The following FCSK variants were observed in gnomAD, a reference collection of about 807,000 sequenced individuals.
The protein encoded by FCSK is L-fucose kinase.
In FCSK, 123 loss-of-function variants were observed where a neutral mutation model predicts 122.5. That is an observed-to-expected ratio of 1.00 (90% CI 0.87 to 1.17). The LOEUF is 1.17. Among genes scored for constraint, FCSK ranks in the 50% most tolerant of loss-of-function variants. The pLI, the probability that FCSK is intolerant of heterozygous loss-of-function variation, is 0.00. For synonymous variants in FCSK, 620 were observed against 625.5 expected (o/e 0.99, Z 0.13); for missense variants, 1,366 against 1,450.4 (o/e 0.94, Z 0.95).
Position 70,463,753 on chromosome 16 carries a change from G to A in FCSK, c.213G>A (p.Leu71=). The change falls in exon 3 of 24, where the codon CTG becomes CTA. Residue 71 remains leucine (L), a synonymous_variant. Coordinates refer to ENST00000288078, the MANE Select transcript of FCSK (RefSeq NM_145059.3). ...LNALLVAAEH[L]SARAGFTVVT... is the part of the protein sequence containing the mutation. ...CCCTGCTGGTGGCTGCTGAACACCT[G>A]AGTGCCCGGGCAGGCTTCACTGTGA... 6.2e-7 allele frequency: 1 copy of A among 1,611,450 alleles called. No individual in the cohort carries two copies. Among genetic ancestry groups the A allele is most frequent in the Non-Finnish European group, 8.5e-7 (1 of 1,179,592 alleles).
intron 18 of FCSK, 150 bp from the exon 19 acceptor site, chr16:70,475,198 GCC>G: frequency 1.0e-6 from 1 of 1,001,760 alleles, no homozygotes; most frequent in South Asian, 1.6e-5. Flanking sequence ...GAGCCCAGAG[GCC>G]CTTTTGTGGC....
chr16:70,462,506 A>G lies in FCSK; in HGVS notation c.-22-663A>G, dbSNP rs1201664968. 2.0e-5 allele frequency among the ~76,000 whole-genome samples: 3 copies of G among 152,154 alleles called. No individual in the cohort carries two copies. The South Asian group carries it at 6.2e-4, about 31-fold the overall frequency. On this transcript the variant is annotated intron_variant, in intron 1 of 23. Transcript: ENST00000288078. ...ACGCCTGCCTAATTTTTGTATTTTT[A>G]GTAGTGAAGAGGTTTTGCCATGTTG... is the stretch of plus-strand genomic sequence containing the variant.
chr16:70,467,237 C>T (rs1173270450), intron 6 of FCSK, 137 bp from the exon 7 acceptor site: 4 of 647,930 alleles, frequency 6.2e-6, no homozygotes, highest in East Asian at 2.7e-5. Flanking sequence ...AGGCGAATGT[C>T]CATTTGGCTT....
At position 70,472,551 on chromosome 16, in the gene FCSK, C is replaced by T. The variant is rs544216689; in HGVS notation, c.1352C>T (p.Ala451Val). The change falls in exon 14 of 24, where the codon GCA becomes GTA. Residue 451 changes from alanine (A) to valine (V), a missense_variant. Coordinates refer to ENST00000288078, the MANE Select transcript of FCSK (RefSeq NM_145059.3). Reference sequence around the variant, plus strand: ...CTTCCTCTCCCCCAGAGACAGGGGGCAGGCACATATCTCAACGTGCCCTGG... The same window carrying T: ...CTTCCTCTCCCCCAGAGACAGGGGGTAGGCACATATCTCAACGTGCCCTGG... ...GRLDSWERQG[A>V]GTYLNVPWSE... is the part of the protein sequence containing the mutation. 6.2e-7 allele frequency: 1 copy of T among 1,612,672 alleles called. No individual in the cohort carries two copies. The highest frequency in any genetic ancestry group is 1.7e-5 in the Admixed American group (1 of 59,854).
intron 9 of FCSK, 40 bp from the exon 10 acceptor site, chr16:70,469,096 ACTTGGGGGCTGAACCC>A (rs2048524906): frequency 6.2e-7 from 1 of 1,608,742 alleles, no homozygotes. Context: ...CAGCCTCAGA[ACTTGGGGGCTGAACCC>A]CTGCCATGCC....
At position 70,467,985 on chromosome 16, in the gene FCSK, G is replaced by C. The variant is rs1455246336; in HGVS notation, c.663+19G>C. On this transcript the variant is annotated intron_variant, in intron 8 of 23. Transcript: ENST00000288078. The stretch of plus-strand genomic sequence containing the variant: ...GCCACTGGTATGGCTGCTGGGCCCA[G>C]GTTGCGGGGCTTTGGGGACCTTATG... 1.2e-6 allele frequency: 2 copies of C among 1,605,430 alleles called. No individual in the cohort carries two copies. Among genetic ancestry groups the C allele is most frequent in the Admixed American group, 3.3e-5 (2 of 60,004 alleles).
Position 70,479,457 on chromosome 16 carries a change from T to C in FCSK, c.3153+54T>C, listed in dbSNP as rs1477410300. ...GACCTCTGGGGGCAAGAGACCTCAC[T>C]GTGGCCCACCAGTTAACCAGGGGCT... On this transcript the variant is annotated intron_variant, in intron 23 of 23. Transcript: ENST00000288078. The C allele has an allele frequency of 8.5e-6, 13 of 1,534,322 alleles. No individual in the cohort carries two copies. The East Asian group carries it at 3.0e-4, about 35-fold the overall frequency.
chr16:70,470,391 G>C lies in FCSK; in HGVS notation c.1033G>C (p.Ala345Pro). ...EFLLSLTLPG[A>P]PGAQIVHSQV... is the part of the protein sequence containing the mutation. Reference sequence around the variant, plus strand: ...CCTGCTCAGCCTCACACTCCCCGGGGCTCCTGGGGCCCAGATTGTGCACTC... The same window carrying C: ...CCTGCTCAGCCTCACACTCCCCGGGCCTCCTGGGGCCCAGATTGTGCACTC... The change falls in exon 11 of 24, where the codon GCT becomes CCT. Residue 345 changes from alanine to proline, a missense_variant. Physicochemically the swap from Ala to Pro is conservative, Grantham distance 27. Transcript: ENST00000288078. The C allele has an allele frequency of 6.2e-7, 1 of 1,612,740 alleles. No homozygotes were observed. The highest frequency in any genetic ancestry group is 1.1e-5 in the South Asian group (1 of 90,920).
At chr16:70,456,874 T>G (rs957641774) in intron 1 of FCSK, among the ~76,000 whole-genome samples, 15 of 151,728 alleles carry the variant, frequency 9.9e-5, no homozygotes, top group Admixed American at 9.2e-4. Flanking sequence ...CAAAAAATTA[T>G]CCAGGCATGG....
In FCSK at chr16:70,478,940, A is replaced by G. The variant is rs902054306; in HGVS notation, c.2930-240A>G. 28 of 686,302 alleles carry G rather than the reference A, an allele frequency of 4.1e-5. 1 individual carries two copies. The African/African-American group carries it at 4.6e-4, about 11-fold the overall frequency. 42.5% of individuals were successfully genotyped at this position (686,302 alleles called of 1,614,324 possible). Reference sequence around the variant, plus strand: ...GAAGTCTGAGCTGGGCAGGGTCCCCAGTGTGTGGCTTCACAGCTCCCTAGA... The same window carrying G: ...GAAGTCTGAGCTGGGCAGGGTCCCCGGTGTGTGGCTTCACAGCTCCCTAGA... On this transcript the variant is annotated intron_variant, in intron 22 of 23. Coordinates refer to ENST00000288078, the MANE Select transcript of FCSK (RefSeq NM_145059.3).
intron 13 of FCSK, among the ~76,000 whole-genome samples, chr16:70,471,757 C>T (rs772749977): frequency 2.8e-4 from 42 of 151,858 alleles, no homozygotes; most frequent in Non-Finnish European, 4.4e-4. Flanking sequence ...CACCACCACG[C>T]CCAGCTTAGT....
intron 20 of FCSK, 136 bp from the exon 21 acceptor site, chr16:70,478,136 G>A (rs1028299725): frequency 1.3e-6 from 1 of 762,924 alleles, no homozygotes; most frequent in Non-Finnish European, 2.1e-6. Flanking sequence ...AAGCTGCATA[G>A]CTCACTGTCC....
At chr16:70,462,708 G>T (rs1012709769) in intron 1 of FCSK, among the ~76,000 whole-genome samples, 1 of 152,042 alleles carries the variant, frequency 6.6e-6, no homozygotes, top group African/African-American at 2.4e-5. Context: ...GCAGTGGCGC[G>T]ATCTTGGCCC....
intron 9 of FCSK, 87 bp from the exon 10 acceptor site, chr16:70,469,065 G>A (rs2048523990): frequency 1.2e-5 from 20 of 1,605,560 alleles, no homozygotes; most frequent in African/African-American, 2.7e-5. Context: ...CAGAGTCTCC[G>A]CAGACGGGAC....
intron 13 of FCSK, among the ~76,000 whole-genome samples, chr16:70,471,955 A>G (rs1192575860): frequency 6.6e-6 from 1 of 151,774 alleles, no homozygotes; most frequent in Admixed American, 6.6e-5. Flanking sequence ...ACAGGCGCCC[A>G]CCACCACGCC....
chr16:70,462,797 G>A (rs984397036), intron 1 of FCSK, among the ~76,000 whole-genome samples: 3 of 149,480 alleles, frequency 2.0e-5, no homozygotes, highest in East Asian at 2.0e-4. Flanking sequence ...GGCATGCCCC[G>A]CCACACCCGG....
At position 70,465,124 on chromosome 16, in the gene FCSK, A is replaced by G; in HGVS notation, c.235-2A>G. 1 of 1,613,798 alleles carries G rather than the reference A, an allele frequency of 6.2e-7. No homozygotes were observed. The highest frequency in any genetic ancestry group is 2.2e-5 in the East Asian group (1 of 44,886). On this transcript the variant is annotated splice_acceptor_variant, in intron 3 of 23. Coordinates refer to ENST00000288078, the MANE Select transcript of FCSK (RefSeq NM_145059.3). LOFTEE classifies it high-confidence loss of function. ...GTTCACAGGGCTTTCCCACTCCTGC[A>G]GGTGGTCACATCCGATGTCCTGCAC...
intron 8 of FCSK, 152 bp from the exon 9 acceptor site, chr16:70,468,697 T>C (rs1000321456): frequency 8.7e-6 from 8 of 914,982 alleles, no homozygotes; most frequent in African/African-American, 1.7e-5. Context: ...CAAGTAAGCC[T>C]GGAGTCTGGC....
Position 70,475,369 on chromosome 16 carries a change from C to T in FCSK, c.2397C>T (p.Ala799=). The T allele has an allele frequency of 6.2e-7, 1 of 1,610,760 alleles. No individual in the cohort carries two copies. Among genetic ancestry groups the T allele is most frequent in the Non-Finnish European group, 8.5e-7 (1 of 1,179,890 alleles). Reference sequence around the variant, plus strand: ...CTGCAGGGGCCCTGCTGAAGGCGGCCTTCATCTGTGCAGGGATCGTGCATG... The same window carrying T: ...CTGCAGGGGCCCTGCTGAAGGCGGCTTTCATCTGTGCAGGGATCGTGCATG... The part of the protein sequence containing the change: ...PHAPGALLKA[A]FICAGIVHVH... Residue 799 remains alanine, a synonymous_variant, in exon 19 of 24, where the codon GCC becomes GCT. Coordinates refer to ENST00000288078, the MANE Select transcript of FCSK (RefSeq NM_145059.3).
Sources: allele counts gnomAD v4.1 joint callset (sites outside exome capture counted in the v4.1 genomes callset), GRCh38; gene constraint gnomAD v4.1.1; transcripts MANE v1.5; gene names NCBI Gene and HGNC (gene_info 2026-07-23, HGNC 2026-07-21).